Variants in PRKX observed in about 807,000 individuals in gnomAD.
The protein encoded by PRKX is protein kinase cAMP-dependent X-linked catalytic subunit, also known as cAMP-dependent protein kinase catalytic subunit PRKX.
A neutral mutation model predicts 22.0 loss-of-function variants in PRKX; 12 were observed. The observed-to-expected ratio is 0.54, with a 90% confidence interval of 0.35 to 0.88. The LOEUF (loss-of-function observed/expected upper bound fraction) is 0.88, where lower values mean the gene tolerates loss of function less well. PRKX is among the 40% of genes least tolerant of loss of function. The pLI, the probability that PRKX is intolerant of heterozygous loss-of-function variation, is 0.01. For missense variants in PRKX, 217 were observed against 308.0 expected, an observed-to-expected ratio of 0.70 and a Z score of 2.21; for synonymous variants, 134 against 137.7, an observed-to-expected ratio of 0.97 and a Z score of 0.19.
intron 3 of PRKX, among the ~76,000 whole-genome samples, chrX:3,653,737 T>A (rs1243759964): frequency 1.6e-5 from 1 of 63,411 alleles, no homozygotes; most frequent in African/African-American, 6.1e-5. Flanking sequence ...GTGATATATA[T>A]AATATATATA....
chrX:3,689,381 T>C (rs1469458169), intron 1 of PRKX, among the ~76,000 whole-genome samples: 1 of 112,639 alleles, frequency 8.9e-6, no homozygotes, highest in Non-Finnish European at 1.9e-5. Context: ...TTAAAAAGTA[T>C]TTTTAAAAAA....
chrX:3,670,731 G>C (rs1184763783), intron 2 of PRKX, among the ~76,000 whole-genome samples: 1 of 111,023 alleles, frequency 9.0e-6, no homozygotes, highest in Non-Finnish European at 1.9e-5. Flanking sequence ...TTTTTGTAGA[G>C]ACAGGGTCTT....
chrX:3,668,209 A>G (rs1927774623), intron 2 of PRKX: 1 of 111,552 alleles, frequency 9.0e-6, no homozygotes, highest in Non-Finnish European at 1.9e-5. Context: ...TCCCTTTTTG[A>G]AGCGTCTGCT....
At chrX:3,666,932 AG>A (rs1392826795) in intron 2 of PRKX, among the ~76,000 whole-genome samples, 1 of 108,418 alleles carries the variant, frequency 9.2e-6, no homozygotes, top group Non-Finnish European at 1.9e-5. Flanking sequence ...AAAAAAAAAA[AG>A]GAAGTTAAAA....
intron 1 of PRKX, among the ~76,000 whole-genome samples, chrX:3,688,450 GA>G (rs1170871884): frequency 6.3e-5 from 6 of 95,510 alleles, no homozygotes; most frequent in Non-Finnish European, 8.7e-5. Context: ...TGTCTCCAAA[GA>G]AAAAAAAAAG....
At chrX:3,684,956 A>C (rs1467108528) in intron 1 of PRKX, among the ~76,000 whole-genome samples, 1 of 111,628 alleles carries the variant, frequency 9.0e-6, no homozygotes, top group Non-Finnish European at 1.9e-5. Flanking sequence ...AGCTGGGATT[A>C]CAGGCATGTG....
rs1170871884 is a variant in PRKX, at chrX:3,688,450, G to GA, written c.167-13685dup. ...GACAGAGCGAGACTCTGTCTCCAAA[G>GA]AAAAAAAAAAGGTTAACTCAAGAAG... On this transcript the variant is annotated intron_variant, in intron 1 of 8. Transcript: ENST00000262848. Among the ~76,000 whole-genome samples, 36 of 95,517 alleles carry GA rather than the reference G, an allele frequency of 3.8e-4. 5 individuals carry two copies. The South Asian group carries it at 4.3e-3, about 11-fold the overall frequency. 82.9% of individuals were successfully genotyped at this position (95,517 alleles called of 115,157 possible).
In PRKX at chrX:3,699,043, A is replaced by T. The variant is rs768394089; in HGVS notation, c.166+14045T>A. ...ACCACGCCCAGCTAATTTTTATTTT[A>T]TTTTTTTTTTTGAGACAGAGTGTCA... On this transcript the variant is annotated intron_variant, in intron 1 of 8. Transcript: ENST00000262848. 4.2e-3 allele frequency among the ~76,000 whole-genome samples: 256 copies of T among 60,779 alleles called. 1 individual carries two copies. Among genetic ancestry groups the T allele is most frequent in the African/African-American group, 0.015 (234 of 15,375 alleles). 52.8% of individuals were successfully genotyped at this position (60,779 alleles called of 115,157 possible).
chrX:3,672,079 C>T lies in PRKX; in HGVS notation c.335+2519G>A, dbSNP rs1205701490. On this transcript the variant is annotated intron_variant, in intron 2 of 8. Transcript: ENST00000262848. ...GTGTAGTGATGGGTGCCTGTAGTCC[C>T]GGCTACTCTGGAGGCTGAGGAAGGA... is the stretch of plus-strand genomic sequence containing the variant. Among the ~76,000 whole-genome samples the T allele has an allele frequency of 4.5e-5, 5 of 111,088 alleles. No individual in the cohort carries two copies. The Admixed American group carries it at 4.8e-4, about 11-fold the overall frequency.
rs975716733 is a variant in PRKX at position 3,707,917 on chromosome X, AAC to A, written c.166+5169_166+5170del. Among the ~76,000 whole-genome samples the A allele has an allele frequency of 5.5e-4, 62 of 111,969 alleles. 1 individual carries two copies. Among genetic ancestry groups the A allele is most frequent in the African/African-American group, 1.7e-3 (53 of 30,727 alleles). On this transcript the variant is annotated intron_variant, in intron 1 of 8. Coordinates refer to ENST00000262848, the MANE Select transcript of PRKX (RefSeq NM_005044.5). ...AAACAACACTCCTAATTGCTATGTC[AAC>A]ACTGCCCACAAGGCTGCTGATTTAT...
intron 4 of PRKX, among the ~76,000 whole-genome samples, chrX:3,634,337 G>A (rs748123315): frequency 1.8e-5 from 2 of 110,743 alleles, no homozygotes; most frequent in African/African-American, 6.6e-5. Context: ...AGATGAGAAA[G>A]GGGAACTTGA....
At chrX:3,612,369 C>A in intron 7 of PRKX, 44 bp from the exon 8 acceptor site, 1 of 1,176,667 alleles carries the variant, frequency 8.5e-7, no homozygotes, top group Non-Finnish European at 1.1e-6. Context: ...TAGAAAGGGA[C>A]GGGACACTTG....
chrX:3,644,025 C>T (rs942130737), intron 3 of PRKX, among the ~76,000 whole-genome samples: 1 of 109,690 alleles, frequency 9.1e-6, no homozygotes, highest in Non-Finnish European at 1.9e-5. Flanking sequence ...GACTTTTCCA[C>T]ACTAATCTGT....
rs1012200379 is a variant in PRKX, at chrX:3,604,379, G to A, written c.*4590C>T. On this transcript the variant is annotated 3_prime_UTR_variant, in exon 9 of 9. Transcript: ENST00000262848. Reference sequence around the variant, plus strand: ...CAGATGAAACTCAGACTTCTGAAAAGATACAAAGTTTTATTAAACAAACCT... The same window carrying A: ...CAGATGAAACTCAGACTTCTGAAAAAATACAAAGTTTTATTAAACAAACCT... The A allele has an allele frequency of 1.8e-5, 2 of 112,796 alleles. No homozygotes were observed. Among genetic ancestry groups the A allele is most frequent in the African/African-American group, 6.4e-5 (2 of 31,048 alleles). The allele number at this position is 112,796 out of a possible 1,213,427, so 9.3% of individuals were successfully genotyped here. A position where few individuals can be genotyped will look rare whatever the true frequency, so the allele number is the denominator to read the frequency against.
At chrX:3,698,794 T>C (rs900488068) in intron 1 of PRKX, among the ~76,000 whole-genome samples, 1 of 108,542 alleles carries the variant, frequency 9.2e-6, no homozygotes, top group Non-Finnish European at 1.9e-5. Flanking sequence ...TTTCACCATG[T>C]TGGCCAGGCT....
At chrX:3,642,013 T>C (rs1188685566) in intron 3 of PRKX, 42 bp from the exon 4 acceptor site, 6 of 632,121 alleles carry the variant, frequency 9.5e-6, no homozygotes, top group Non-Finnish European at 1.4e-5. Flanking sequence ...CACTCAGTGG[T>C]GCTTGGCTAA....
At chrX:3,701,403 G>A (rs1443313030) in intron 1 of PRKX, among the ~76,000 whole-genome samples, 10 of 112,570 alleles carry the variant, frequency 8.9e-5, no homozygotes, top group East Asian at 5.5e-4. Context: ...ACTGTGTGTC[G>A]CCTACTTTTT....
At chrX:3,658,820 G>A (rs1222666508) in intron 2 of PRKX, among the ~76,000 whole-genome samples, 1 of 111,048 alleles carries the variant, frequency 9.0e-6, no homozygotes, top group Non-Finnish European at 1.9e-5. Flanking sequence ...AAAACAAAAT[G>A]AGGCCCAGGA....
chrX:3,610,617 C>T (rs183145566), intron 8 of PRKX, among the ~76,000 whole-genome samples: 55 of 110,823 alleles, frequency 5.0e-4, no homozygotes, highest in African/African-American at 1.6e-3. Context: ...AAAGGTTATT[C>T]CTACGTGTGG....
Sources: gnomAD v4.1 joint callset for allele counts (sites outside exome capture counted in the v4.1 genomes callset) on GRCh38, gnomAD v4.1.1 for gene constraint, MANE v1.5 for transcripts, NCBI Gene and HGNC (gene_info 2026-07-23, HGNC 2026-07-21) for gene names.